Variants in LHFPL2 observed in about 807,000 individuals in gnomAD.
The protein encoded by LHFPL2 is LHFPL tetraspan subfamily member 2, also known as LHFPL tetraspan subfamily member 2 protein.
Under a neutral mutation model 17.5 loss-of-function variants are expected in LHFPL2, and 7 were observed. The observed-to-expected ratio is 0.40, with a 90% CI of 0.23 to 0.75. LHFPL2 has a LOEUF of 0.75. Ranked by LOEUF, LHFPL2 falls within the 30% of genes least tolerant of loss-of-function variation. The pLI, the probability that LHFPL2 is intolerant of heterozygous loss-of-function variation, is 0.37. For synonymous variants in LHFPL2, 134 were observed against 116.2 expected, an observed-to-expected ratio of 1.15 and a Z score of -0.99; for missense variants, 241 against 294.8, an observed-to-expected ratio of 0.82 and a Z score of 1.34.
At chr5:78,574,274 T>C (rs925344722) in intron 2 of LHFPL2, among the ~76,000 whole-genome samples, 2 of 152,210 alleles carry the variant, frequency 1.3e-5, no homozygotes, top group Admixed American at 1.3e-4. Context: ...GTGCCCTCTG[T>C]ACACCAGGCC....
intron 1 of LHFPL2, among the ~76,000 whole-genome samples, chr5:78,632,808 T>C (rs1745301266): frequency 6.6e-6 from 1 of 152,156 alleles, no homozygotes; most frequent in South Asian, 2.1e-4. Flanking sequence ...CAAGGGTATA[T>C]ATGAGCCTTT....
chr5:78,588,395 C>T lies in LHFPL2; in HGVS notation c.-244-23524G>A, dbSNP rs115174985. ...TAAAAAAATTTCTGAACTCTTCTAT[C>T]TTTCATTCTATAAACACTCACAAGA... On this transcript the variant is annotated intron_variant, in intron 2 of 4. Coordinates refer to ENST00000380345, the MANE Select transcript of LHFPL2 (RefSeq NM_005779.3). Among the ~76,000 whole-genome samples the T allele has an allele frequency of 1.2e-3, 187 of 152,308 alleles. 1 individual carries two copies. Among genetic ancestry groups the T allele is most frequent in the South Asian group, 2.9e-3 (14 of 4,812 alleles).
At chr5:78,552,528 AG>A (rs1756474498) in intron 3 of LHFPL2, among the ~76,000 whole-genome samples, 1 of 152,224 alleles carries the variant, frequency 6.6e-6, no homozygotes, top group South Asian at 2.1e-4. Flanking sequence ...TAACGTAATA[AG>A]GGGGAAACCT....
chr5:78,631,473 A>G (rs910721969), intron 2 of LHFPL2, among the ~76,000 whole-genome samples: 25 of 152,240 alleles, frequency 1.6e-4, no homozygotes, highest in African/African-American at 6.0e-4. Flanking sequence ...AGATGGTACC[A>G]AAAGGAACTC....
intron 3 of LHFPL2, among the ~76,000 whole-genome samples, chr5:78,510,792 CTA>C (rs775018197): frequency 2.6e-5 from 4 of 152,200 alleles, no homozygotes; most frequent in Non-Finnish European, 4.4e-5. Context: ...GCAATCAACT[CTA>C]TTAGTGGATG....
rs1036475067 is a variant in LHFPL2, at chr5:78,552,196, C to T, written c.-186+12617G>A. On this transcript the variant is annotated intron_variant, in intron 3 of 4. Coordinates refer to ENST00000380345, the MANE Select transcript of LHFPL2 (RefSeq NM_005779.3). ...TTGCCCAGGCTGGAGTGCAGTGGCGCGATCTTGGTTCACTGCAAGCTCCGC... is the reference window on the plus strand; with the variant it reads ...TTGCCCAGGCTGGAGTGCAGTGGCGTGATCTTGGTTCACTGCAAGCTCCGC... Among the ~76,000 whole-genome samples, 9 of 150,162 alleles carry T rather than the reference C, an allele frequency of 6.0e-5. No individual in the cohort carries two copies. The East Asian group carries it at 7.9e-4, about 13-fold the overall frequency.
chr5:78,620,314 G>T (rs960795820), intron 2 of LHFPL2, among the ~76,000 whole-genome samples: 1 of 152,142 alleles, frequency 6.6e-6, no homozygotes. Flanking sequence ...ATTTTGAGAA[G>T]TGTCTGTTCA....
Position 78,497,588 on chromosome 5 carries a change from T to C in LHFPL2, c.431-8435A>G, listed in dbSNP as rs1369236683. On this transcript the variant is annotated intron_variant, in intron 4 of 4. Transcript: ENST00000380345. Reference sequence around the variant, plus strand: ...CAGGTGCTTAGTAAATATTCACTGATTTGAATGGATGAATGAAAAGATAAG... The same window carrying C: ...CAGGTGCTTAGTAAATATTCACTGACTTGAATGGATGAATGAAAAGATAAG... Among the ~76,000 whole-genome samples, 6 of 152,326 alleles carry C rather than the reference T, an allele frequency of 3.9e-5. No individual in the cohort carries two copies. The East Asian group carries it at 1.2e-3, about 29-fold the overall frequency.
rs1754402168 is a variant in LHFPL2, at chr5:78,490,488, C to A, written c.431-1335G>T. On this transcript the variant is annotated intron_variant, in intron 4 of 4. Coordinates refer to ENST00000380345, the MANE Select transcript of LHFPL2 (RefSeq NM_005779.3). ...CTTCTTTAGGCCAGGTGCAGTGGCT[C>A]ACACCTGAAATCCCAGCACTTTGGG... is the stretch of plus-strand genomic sequence containing the variant. Among the ~76,000 whole-genome samples, 6 of 152,116 alleles carry A rather than the reference C, an allele frequency of 3.9e-5. No homozygotes were observed. In the South Asian group the frequency reaches 8.3e-4, roughly 21 times the overall value.
chr5:78,501,592 A>C (rs112235235), intron 4 of LHFPL2, among the ~76,000 whole-genome samples: 1,631 of 152,344 alleles, frequency 0.011, 20 homozygotes, highest in African/African-American at 0.031. Context: ...ATGAGGTCTC[A>C]CTGTGTTGTC....
At chr5:78,589,124 TC>T (rs1338607933) in intron 2 of LHFPL2, among the ~76,000 whole-genome samples, 7 of 152,090 alleles carry the variant, frequency 4.6e-5, no homozygotes, top group Non-Finnish European at 1.0e-4. Context: ...TTCCATTGCA[TC>T]CAGTTGCCAT....
At chr5:78,602,481 T>C (rs1744053599) in intron 2 of LHFPL2, among the ~76,000 whole-genome samples, 1 of 152,246 alleles carries the variant, frequency 6.6e-6, no homozygotes, top group South Asian at 2.1e-4. Flanking sequence ...CAGAAAAGAA[T>C]GGTATAAGGT....
At chr5:78,535,368 C>T (rs1310883361) in intron 3 of LHFPL2, among the ~76,000 whole-genome samples, 1 of 152,190 alleles carries the variant, frequency 6.6e-6, no homozygotes, top group Non-Finnish European at 1.5e-5. Flanking sequence ...CTGGAGCTGC[C>T]TCCCTTCCCA....
At chr5:78,605,527 C>T (rs1158021572) in intron 2 of LHFPL2, among the ~76,000 whole-genome samples, 1 of 152,158 alleles carries the variant, frequency 6.6e-6, no homozygotes, top group African/African-American at 2.4e-5. Context: ...TTATTACCAA[C>T]CCCATGACCA....
intron 2 of LHFPL2, among the ~76,000 whole-genome samples, chr5:78,582,158 C>G (rs573066561): frequency 1.3e-5 from 2 of 152,082 alleles, no homozygotes; most frequent in African/African-American, 4.8e-5. Flanking sequence ...TTTTTTATTG[C>G]ATCTATTTGA....
intron 3 of LHFPL2, among the ~76,000 whole-genome samples, chr5:78,551,457 G>T (rs1036429193): frequency 6.6e-6 from 1 of 152,104 alleles, no homozygotes; most frequent in Non-Finnish European, 1.5e-5. Flanking sequence ...TTTGTATCTG[G>T]GGGCCACTTC....
At chr5:78,595,033 C>T (rs769433227) in intron 2 of LHFPL2, among the ~76,000 whole-genome samples, 5 of 152,180 alleles carry the variant, frequency 3.3e-5, no homozygotes, top group Non-Finnish European at 4.4e-5. Flanking sequence ...AGATAGCAAA[C>T]TTTGTACCCT....
Position 78,510,025 on chromosome 5 carries a change from G to T in LHFPL2, c.189C>A (p.Ile63=). ...SPEPYHPTLG[I]YARCIRNPGV... ...CTGGGTTCCGGATGCAGCGGGCGTA[G>T]ATGCCCAGGGTGGGGTGGTAGGGCT... Residue 63 remains isoleucine (I), a synonymous_variant, in exon 4 of 5, where the codon ATC becomes ATA. Coordinates refer to ENST00000380345, the MANE Select transcript of LHFPL2 (RefSeq NM_005779.3). 6.2e-7 allele frequency: 1 copy of T among 1,612,020 alleles called. No homozygotes were observed. The highest frequency in any genetic ancestry group is 1.1e-5 in the South Asian group (1 of 90,880).
intron 2 of LHFPL2, among the ~76,000 whole-genome samples, chr5:78,569,870 A>C (rs533728584): frequency 6.6e-6 from 1 of 152,248 alleles, no homozygotes; most frequent in Non-Finnish European, 1.5e-5. Flanking sequence ...TGATTCAAAC[A>C]TTATCCCATC....
Sources: gnomAD v4.1 joint callset for allele counts (sites outside exome capture counted in the v4.1 genomes callset) on GRCh38, gnomAD v4.1.1 for gene constraint, MANE v1.5 for transcripts, NCBI Gene and HGNC (gene_info 2026-07-23, HGNC 2026-07-21) for gene names.